Variants in RSPO2 observed in about 807,000 individuals in gnomAD.
The protein encoded by RSPO2 is R-spondin 2, also known as R-spondin-2.
RSPO2 carries 14 observed loss-of-function variants against 30.9 expected under a neutral mutation model. That is an observed-to-expected ratio of 0.45 (90% CI 0.30 to 0.71). RSPO2 has a LOEUF of 0.71. Ranked by LOEUF, RSPO2 falls within the 30% of genes least tolerant of loss-of-function variation. The pLI is 0.08. For missense variants in RSPO2, 264 were observed against 301.9 expected, an observed-to-expected ratio of 0.87 and a Z score of 0.93; for synonymous variants, 107 against 96.4, an observed-to-expected ratio of 1.11 and a Z score of -0.64.
intron 2 of RSPO2, among the ~76,000 whole-genome samples, chr8:108,050,510 AG>A (rs1812045899): frequency 1.3e-5 from 2 of 152,162 alleles, no homozygotes; most frequent in African/African-American, 4.8e-5. Context: ...CTAGACCATA[AG>A]TATGTAGATT....
chr8:108,069,170 A>G (rs563903543), intron 2 of RSPO2, among the ~76,000 whole-genome samples: 13 of 151,930 alleles, frequency 8.6e-5, no homozygotes, highest in South Asian at 2.1e-4. Context: ...CCGACATCCT[A>G]TTCTTCCATT....
At chr8:107,979,313 A>C (rs1814336876) in intron 3 of RSPO2, among the ~76,000 whole-genome samples, 1 of 152,248 alleles carries the variant, frequency 6.6e-6, no homozygotes, top group African/African-American at 2.4e-5. Flanking sequence ...TGGATTAAGA[A>C]AATGTGGCAC....
Position 107,900,851 on chromosome 8 carries a change from A to G in RSPO2, c.*224T>C, listed in dbSNP as rs917096102. 4.5e-6 allele frequency: 2 copies of G among 445,046 alleles called. No individual in the cohort carries two copies. The highest frequency in any genetic ancestry group is 2.0e-5 in the African/African-American group (1 of 49,910). 27.6% of individuals were successfully genotyped at this position (445,046 alleles called of 1,614,324 possible). A position where few individuals can be genotyped will look rare whatever the true frequency, so the allele number is the denominator to read the frequency against. On this transcript the variant is annotated 3_prime_UTR_variant, in exon 6 of 6. Transcript: ENST00000276659. ...GATTCTCTCAGCACACACTGAGCCA[A>G]GTCACGGGCTGTGCACTTACTCCTG... is the stretch of plus-strand genomic sequence containing the variant.
intron 3 of RSPO2, among the ~76,000 whole-genome samples, chr8:107,985,333 G>C (rs1213640155): frequency 6.6e-6 from 1 of 152,130 alleles, no homozygotes; most frequent in Admixed American, 6.6e-5. Context: ...ATATGTGTAT[G>C]AGAGAGCAAG....
At chr8:107,915,076 GTA>G (rs1811938718) in intron 5 of RSPO2, among the ~76,000 whole-genome samples, 1 of 152,104 alleles carries the variant, frequency 6.6e-6, no homozygotes, top group African/African-American at 2.4e-5. Flanking sequence ...CCCAAGATGT[GTA>G]TGTTTTTGTG....
At chr8:107,932,261 G>A (rs993987598) in intron 5 of RSPO2, among the ~76,000 whole-genome samples, 4 of 152,112 alleles carry the variant, frequency 2.6e-5, no homozygotes, top group African/African-American at 7.2e-5. Context: ...AGTTGTGAAG[G>A]TGGTAGAATC....
intron 5 of RSPO2, among the ~76,000 whole-genome samples, chr8:107,940,573 G>C (rs1812865461): frequency 6.6e-6 from 1 of 152,164 alleles, no homozygotes; most frequent in Non-Finnish European, 1.5e-5. Context: ...TCTAAGGAAA[G>C]CTTCAACTCC....
intron 2 of RSPO2, among the ~76,000 whole-genome samples, chr8:108,065,230 G>A (rs968613363): frequency 1.4e-4 from 21 of 148,954 alleles, no homozygotes; most frequent in Admixed American, 1.2e-3. Flanking sequence ...AGCAAACCAC[G>A]TGGCACATGT....
At chr8:107,998,034 G>C (rs1586613368) in intron 2 of RSPO2, among the ~76,000 whole-genome samples, 1 of 152,158 alleles carries the variant, frequency 6.6e-6, no homozygotes, top group Admixed American at 6.5e-5. Context: ...TGAACAGTGG[G>C]CTGTTGGCAT....
In RSPO2 at chr8:108,082,577, C is replaced by G; in HGVS notation, c.62G>C (p.Cys21Ser). Residue 21 changes from cysteine to serine, a missense_variant, in exon 2 of 6, where the codon TGC becomes TCC. Transcript: ENST00000276659. Reference sequence around the variant, plus strand: ...ACTGCGTCTCCATCGGTTGCCTTGGCAGTGGCTGTAATCCATGCAGTTCAG... The same window carrying G: ...ACTGCGTCTCCATCGGTTGCCTTGGGAGTGGCTGTAATCCATGCAGTTCAG... ...IILNCMDYSH[C>S]QGNRWRRSKR... 1 of 1,614,148 alleles carries G rather than the reference C, an allele frequency of 6.2e-7. No homozygotes were observed. The highest frequency in any genetic ancestry group is 8.5e-7 in the Non-Finnish European group (1 of 1,180,004).
chr8:108,035,671 C>T (rs976763602), intron 2 of RSPO2, among the ~76,000 whole-genome samples: 5 of 152,038 alleles, frequency 3.3e-5, no homozygotes, highest in East Asian at 3.9e-4. Flanking sequence ...TGGGGTTTCA[C>T]CGTGTTAGCC....
At chr8:108,046,994 G>A (rs1420995496) in intron 2 of RSPO2, among the ~76,000 whole-genome samples, 1 of 152,156 alleles carries the variant, frequency 6.6e-6, no homozygotes, top group Non-Finnish European at 1.5e-5. Flanking sequence ...GTTAAAGAGA[G>A]AGAAAGGAGA....
intron 2 of RSPO2, among the ~76,000 whole-genome samples, chr8:108,050,470 T>C (rs751366376): frequency 2.4e-4 from 36 of 152,192 alleles, no homozygotes; most frequent in Non-Finnish European, 4.1e-4. Context: ...ATTGATAAAG[T>C]AAATATGGAA....
At chr8:107,956,624 T>A (rs1212358041) in intron 5 of RSPO2, among the ~76,000 whole-genome samples, 3 of 152,178 alleles carry the variant, frequency 2.0e-5, no homozygotes, top group South Asian at 4.1e-4. Flanking sequence ...TGTTGCCTCT[T>A]GTTACACATG....
intron 2 of RSPO2, among the ~76,000 whole-genome samples, chr8:108,010,490 G>T (rs999108776): frequency 6.6e-6 from 1 of 152,118 alleles, no homozygotes; most frequent in Non-Finnish European, 1.5e-5. Context: ...TCTTGAGCCC[G>T]AAGCAGTATA....
At chr8:108,064,049 A>C (rs890241800) in intron 2 of RSPO2, among the ~76,000 whole-genome samples, 4 of 152,322 alleles carry the variant, frequency 2.6e-5, no homozygotes, top group Non-Finnish European at 4.4e-5. Context: ...TAAAGACTTA[A>C]ACGTTAGACC....
intron 2 of RSPO2, among the ~76,000 whole-genome samples, chr8:108,072,823 G>A (rs907498704): frequency 2.0e-5 from 3 of 152,078 alleles, no homozygotes; most frequent in African/African-American, 2.4e-5. Flanking sequence ...GAGAAGCATC[G>A]AAATAAATAG....
intron 5 of RSPO2, among the ~76,000 whole-genome samples, chr8:107,903,974 G>A (rs966574629): frequency 2.6e-5 from 4 of 151,990 alleles, no homozygotes; most frequent in South Asian, 2.1e-4. Context: ...AAAATACAAC[G>A]TAACATACAG....
intron 2 of RSPO2, among the ~76,000 whole-genome samples, chr8:108,058,486 G>A (rs1812332731): frequency 6.6e-6 from 1 of 152,008 alleles, no homozygotes. Flanking sequence ...TCACAGAATT[G>A]GAAAAAACTA....
Sources: allele counts gnomAD v4.1 joint callset (sites outside exome capture counted in the v4.1 genomes callset), GRCh38; gene constraint gnomAD v4.1.1; transcripts MANE v1.5; gene names NCBI Gene and HGNC (gene_info 2026-07-23, HGNC 2026-07-21).